PIEZO2: variants seen among roughly 807,000 people sequenced by gnomAD.
PIEZO2 encodes piezo-type mechanosensitive ion channel component 2.
In PIEZO2, 172 loss-of-function variants were observed where a neutral mutation model predicts 337.3. That is an observed-to-expected ratio of 0.51 (90% CI 0.45 to 0.58). The LOEUF (loss-of-function observed/expected upper bound fraction) is 0.58. Among genes scored for constraint, PIEZO2 ranks in the 20% least tolerant of loss-of-function variants. The probability of loss-of-function intolerance (pLI) is 0.00; values close to 1 mark genes in which losing one functional copy is unlikely to be tolerated. For missense variants in PIEZO2, 3,028 were observed against 3,391.3 expected (o/e 0.89, Z 2.66); for synonymous variants, 1,251 against 1,228.5 (o/e 1.02, Z -0.38).
intron 3 of PIEZO2, among the ~76,000 whole-genome samples, chr18:10,926,731 A>G (rs188801980): frequency 2.6e-5 from 4 of 152,302 alleles, no homozygotes; most frequent in African/African-American, 9.6e-5. Context: ...TCCTCTTGGT[A>G]GGATCAGCCT....
At chr18:10,705,960 A>G (rs1281331326) in intron 40 of PIEZO2, among the ~76,000 whole-genome samples, 1 of 152,174 alleles carries the variant, frequency 6.6e-6, no homozygotes, top group Non-Finnish European at 1.5e-5. Flanking sequence ...CAGTGCACAC[A>G]CACAGTTTAG....
At chr18:11,063,677 T>C (rs916151830) in intron 2 of PIEZO2, among the ~76,000 whole-genome samples, 1 of 152,236 alleles carries the variant, frequency 6.6e-6, no homozygotes, top group Non-Finnish European at 1.5e-5. Context: ...CAATACATGG[T>C]GGCCTAACAG....
In PIEZO2 at chr18:10,942,412, T is replaced by C. The variant is rs932174594; in HGVS notation, c.287-31184A>G. Among the ~76,000 whole-genome samples, 8 of 152,152 alleles carry C rather than the reference T, an allele frequency of 5.3e-5. No individual in the cohort carries two copies. The highest frequency in any genetic ancestry group is 8.8e-5 in the Non-Finnish European group (6 of 68,026). On this transcript the variant is annotated intron_variant, in intron 3 of 55. Coordinates refer to ENST00000674853, the MANE Select transcript of PIEZO2 (RefSeq NM_001378183.1). The surrounding 1 kb of genome is among the most constrained non-coding windows in gnomAD (Gnocchi z 4.4). Reference sequence around the variant, plus strand: ...AGGCTGAGGTGGTCTCAGATGTAGATGAGGAACTTGTTGGGAAATGGAGCA... The same window carrying C: ...AGGCTGAGGTGGTCTCAGATGTAGACGAGGAACTTGTTGGGAAATGGAGCA...
chr18:10,946,587 T>C (rs2033034554), intron 3 of PIEZO2, among the ~76,000 whole-genome samples: 1 of 152,122 alleles, frequency 6.6e-6, no homozygotes. Context: ...GTCATCAGGG[T>C]TGAGGAGGAG....
Position 10,849,115 on chromosome 18 carries a change from A to C in PIEZO2, c.917+6238T>G, listed in dbSNP as rs188185912. ...TCTGCAATCTCTGCCTCCTGGATTC[A>C]AGCAAATCTGCCTCAGCATCCCGAG... On this transcript the variant is annotated intron_variant, in intron 7 of 55. Coordinates refer to ENST00000674853, the MANE Select transcript of PIEZO2 (RefSeq NM_001378183.1). Among the ~76,000 whole-genome samples the C allele has an allele frequency of 4.3e-3, 658 of 152,254 alleles. 4 individuals carry two copies. Among genetic ancestry groups the C allele is most frequent in the African/African-American group, 0.015 (631 of 41,570 alleles).
chr18:10,875,933 G>A (rs1188789949), intron 4 of PIEZO2, among the ~76,000 whole-genome samples: 1 of 152,216 alleles, frequency 6.6e-6, no homozygotes, highest in African/African-American at 2.4e-5. Context: ...ATTGGGCTGC[G>A]ACCCCTACTT....
At chr18:11,115,369 T>C (rs2039859278) in intron 1 of PIEZO2, among the ~76,000 whole-genome samples, 1 of 152,214 alleles carries the variant, frequency 6.6e-6, no homozygotes, top group Non-Finnish European at 1.5e-5. Flanking sequence ...TTCATCTCTA[T>C]CTATGCTACA....
intron 4 of PIEZO2, among the ~76,000 whole-genome samples, chr18:10,902,210 C>G (rs748128569): frequency 6.6e-6 from 1 of 152,240 alleles, no homozygotes; most frequent in Non-Finnish European, 1.5e-5. Flanking sequence ...CCCCTACCCC[C>G]ATCCGTGGAA....
At position 10,870,643 on chromosome 18, in the gene PIEZO2, A is replaced by T. The variant is rs1359211418; in HGVS notation, c.492+610T>A. Among the ~76,000 whole-genome samples the T allele has an allele frequency of 6.6e-6, 1 of 151,830 alleles. No homozygotes were observed. The highest frequency in any genetic ancestry group is 2.4e-5 in the African/African-American group (1 of 41,422). ...AAGGACGAAAATAGGACAAGCTTCCAATTCAGCAGTTGCTCCTGAAACCTT... is the reference window on the plus strand; with the variant it reads ...AAGGACGAAAATAGGACAAGCTTCCTATTCAGCAGTTGCTCCTGAAACCTT... On this transcript the variant is annotated intron_variant, in intron 5 of 55. Coordinates refer to ENST00000674853, the MANE Select transcript of PIEZO2 (RefSeq NM_001378183.1). This position sits in a 1 kb window ranked among gnomAD's most constrained non-coding sequence, Gnocchi z 5.3.
In PIEZO2 at chr18:10,794,705, G is replaced by T; in HGVS notation, c.1758+67C>A. 2.5e-6 allele frequency: 3 copies of T among 1,196,648 alleles called. No individual in the cohort carries two copies. The highest frequency in any genetic ancestry group is 3.4e-6 in the Non-Finnish European group (3 of 874,456). The allele number at this position is 1,196,648 out of a possible 1,614,324, so 74.1% of individuals were successfully genotyped here. On this transcript the variant is annotated intron_variant, in intron 13 of 55. Transcript: ENST00000674853. The surrounding 1 kb of genome is among the most constrained non-coding windows in gnomAD (Gnocchi z 6.6). ...ACCTGTTTTTATAAGGTTTCTCTTG[G>T]ATACGATTATGATGATGATTGTGGT...
rs377045966 is a variant in PIEZO2, at chr18:10,870,512, C to T, written c.492+741G>A. On this transcript the variant is annotated intron_variant, in intron 5 of 55. Coordinates refer to ENST00000674853, the MANE Select transcript of PIEZO2 (RefSeq NM_001378183.1). This position sits in a 1 kb window ranked among gnomAD's most constrained non-coding sequence, Gnocchi z 5.3. The stretch of plus-strand genomic sequence containing the variant: ...ACTAATAAATCAATTACTCTTTAAA[C>T]TGATGTCTCCTAACCTCACCTAACA... 5.3e-4 allele frequency among the ~76,000 whole-genome samples: 80 copies of T among 152,274 alleles called. 1 individual carries two copies. Among genetic ancestry groups the T allele is most frequent in the African/African-American group, 1.9e-3 (79 of 41,560 alleles).
chr18:11,114,695 T>C (rs925076844), intron 1 of PIEZO2, among the ~76,000 whole-genome samples: 1 of 151,236 alleles, frequency 6.6e-6, no homozygotes, highest in Non-Finnish European at 1.5e-5. Flanking sequence ...TTGGGGTGCT[T>C]TTCCCCCCAC....
Position 10,952,193 on chromosome 18 carries a change from C to T in PIEZO2, c.286+27342G>A, listed in dbSNP as rs59710042. On this transcript the variant is annotated intron_variant, in intron 3 of 55. Coordinates refer to ENST00000674853, the MANE Select transcript of PIEZO2 (RefSeq NM_001378183.1). This position sits in a 1 kb window ranked among gnomAD's most constrained non-coding sequence, Gnocchi z 4.1. ...GTGAGAGGAAAATTCCAATGTGTTA[C>T]CACTGTGGTCGCTGGCTCTTTTTAA... 2.7e-3 allele frequency among the ~76,000 whole-genome samples: 415 copies of T among 152,224 alleles called. 2 individuals are homozygous for T. The highest frequency in any genetic ancestry group is 9.2e-3 in the African/African-American group (384 of 41,530).
chr18:10,809,426 A>G (rs2040113969), intron 7 of PIEZO2, among the ~76,000 whole-genome samples: 1 of 151,824 alleles, frequency 6.6e-6, no homozygotes, highest in African/African-American at 2.4e-5. Flanking sequence ...GCGCACCACC[A>G]TGCCAGCTAA....
At chr18:11,115,402 A>G (rs1230331577) in intron 1 of PIEZO2, among the ~76,000 whole-genome samples, 1 of 152,206 alleles carries the variant, frequency 6.6e-6, no homozygotes, top group Non-Finnish European at 1.5e-5. Flanking sequence ...TTCTGAGGTC[A>G]TGAAGGATAG....
Position 10,762,643 on chromosome 18 carries a change from T to G in PIEZO2, c.3124-18A>C. 1 of 1,531,404 alleles carries G rather than the reference T, an allele frequency of 6.5e-7. No individual in the cohort carries two copies. The highest frequency in any genetic ancestry group is 1.2e-5 in the South Asian group (1 of 83,166). The allele number at this position is 1,531,404 out of a possible 1,614,324, so 94.9% of individuals were successfully genotyped here. On this transcript the variant is annotated intron_variant, in intron 22 of 55. Coordinates refer to ENST00000674853, the MANE Select transcript of PIEZO2 (RefSeq NM_001378183.1). ...TCATTTGGCTAAAAAGAAGAGAAAA[T>G]GGAGTAAAAAAAAATAGCTCCACAG...
chr18:11,136,815 C>T (rs901537627), intron 1 of PIEZO2, among the ~76,000 whole-genome samples: 2 of 152,134 alleles, frequency 1.3e-5, no homozygotes, highest in African/African-American at 4.8e-5. Context: ...ATAGAATTAT[C>T]TGAGATCTCA....
At chr18:11,010,576 G>T (rs1423575176) in intron 2 of PIEZO2, among the ~76,000 whole-genome samples, 4 of 152,278 alleles carry the variant, frequency 2.6e-5, no homozygotes, top group East Asian at 1.9e-4. Context: ...GTGGGTACTG[G>T]TTAAGCTCCT....
chr18:10,987,620 C>G (rs796704165), intron 2 of PIEZO2, among the ~76,000 whole-genome samples: 1 of 151,912 alleles, frequency 6.6e-6, no homozygotes, highest in East Asian at 1.9e-4. Context: ...GGAAAAGATT[C>G]CTTGACATTG....
Sources: allele counts gnomAD v4.1 joint callset (sites outside exome capture counted in the v4.1 genomes callset), GRCh38; gene constraint gnomAD v4.1.1; non-coding constraint Gnocchi (gnomAD v3.1); transcripts MANE v1.5; gene names NCBI Gene and HGNC (gene_info 2026-07-23, HGNC 2026-07-21).